Variants in GINM1 observed in about 807,000 individuals in gnomAD.
GINM1 encodes glycoprotein integral membrane protein 1.
In GINM1, 29 loss-of-function variants were observed where a neutral mutation model predicts 37.8. The ratio of observed to expected loss-of-function variants is 0.77; its 90% CI spans 0.57 to 1.05. The LOEUF is 1.05. Ranked by LOEUF, GINM1 falls within the 50% of genes least tolerant of loss-of-function variation. The probability of loss-of-function intolerance (pLI) is 0.00; values close to 1 mark genes in which losing one functional copy is unlikely to be tolerated. For missense variants in GINM1, 377 were observed against 397.9 expected, an observed-to-expected ratio of 0.95 and a Z score of 0.45; for synonymous variants, 143 against 146.2, an observed-to-expected ratio of 0.98 and a Z score of 0.16.
chr6:149,578,751 A>G (rs1777954075), intron 3 of GINM1, 71 bp from the exon 4 acceptor site: 1 of 1,078,774 alleles, frequency 9.3e-7, no homozygotes, highest in South Asian at 1.6e-5. Flanking sequence ...AATGTCATCA[A>G]AATAATCACA....
At chr6:149,575,904 T>C (rs1264825372) in intron 3 of GINM1, among the ~76,000 whole-genome samples, 2 of 152,204 alleles carry the variant, frequency 1.3e-5, no homozygotes, top group Non-Finnish European at 2.9e-5. Flanking sequence ...ATAACTGAAA[T>C]AAATGCTCAT....
At chr6:149,570,805 G>A (rs921593631) in intron 1 of GINM1, among the ~76,000 whole-genome samples, 5 of 152,148 alleles carry the variant, frequency 3.3e-5, no homozygotes, top group African/African-American at 1.2e-4. Context: ...GAATAACAAT[G>A]TCTATTTGTG....
Position 149,566,555 on chromosome 6 carries a change from C to T in GINM1, c.120+21C>T. Reference sequence around the variant, plus strand: ...CACAGGTAGGGCAGGGCGGGCCTGGCTGGCCGCTTTACGACTCCGACTCTC... The same window carrying T: ...CACAGGTAGGGCAGGGCGGGCCTGGTTGGCCGCTTTACGACTCCGACTCTC... On this transcript the variant is annotated intron_variant, in intron 1 of 7. Coordinates refer to ENST00000367419, the MANE Select transcript of GINM1 (RefSeq NM_138785.5). This position sits in a 1 kb window ranked among gnomAD's most constrained non-coding sequence, Gnocchi z 4.4. 1.4e-6 allele frequency: 2 copies of T among 1,479,380 alleles called. No individual in the cohort carries two copies. The highest frequency in any genetic ancestry group is 8.9e-7 in the Non-Finnish European group (1 of 1,118,392). 91.6% of individuals were successfully genotyped at this position (1,479,380 alleles called of 1,614,324 possible).
chr6:149,572,671 G>C (rs1487503574), intron 3 of GINM1, 68 bp downstream of exon 3: 15 of 1,027,812 alleles, frequency 1.5e-5, no homozygotes, highest in Non-Finnish European at 2.0e-5. Context: ...TGTTGTTGTT[G>C]TTTGTTTTTT....
rs556059812 is a variant in GINM1, at chr6:149,591,012, C to T, written c.*174C>T. The T allele has an allele frequency of 4.5e-5, 24 of 529,918 alleles. No homozygotes were observed. The South Asian group carries it at 5.8e-4, about 13-fold the overall frequency. 32.8% of individuals were successfully genotyped at this position (529,918 alleles called of 1,614,324 possible). A position where few individuals can be genotyped will look rare whatever the true frequency, so the allele number is the denominator to read the frequency against. On this transcript the variant is annotated 3_prime_UTR_variant, in exon 8 of 8. Transcript: ENST00000367419. ...GCCAAGTTAAAGTTTACCTTATTCT[C>T]GGCCGGGTGCAGTGGCTCATGCCTG... is the stretch of plus-strand genomic sequence containing the variant.
At chr6:149,571,475 G>A (rs953105359) in intron 1 of GINM1, among the ~76,000 whole-genome samples, 13 of 152,110 alleles carry the variant, frequency 8.5e-5, no homozygotes, top group African/African-American at 2.2e-4. Flanking sequence ...CTACAGTTAC[G>A]GAAGAATACA....
At chr6:149,578,774 T>G in intron 3 of GINM1, 48 bp from the exon 4 acceptor site, 1 of 1,285,276 alleles carries the variant, frequency 7.8e-7, no homozygotes, top group Non-Finnish European at 1.1e-6. Context: ...CACTCACAGA[T>G]TTGGTGGTAA....
intron 7 of GINM1, among the ~76,000 whole-genome samples, chr6:149,584,745 A>T (rs1272663205): frequency 3.3e-5 from 5 of 151,636 alleles, no homozygotes; most frequent in African/African-American, 1.2e-4. Flanking sequence ...TGCTCTTGGG[A>T]GCATTTCCTT....
intron 1 of GINM1, among the ~76,000 whole-genome samples, chr6:149,571,296 G>C (rs993728912): frequency 1.4e-5 from 2 of 143,702 alleles, no homozygotes; most frequent in African/African-American, 5.3e-5. Flanking sequence ...CTGGGCAACA[G>C]AGCGAGACTC....
At chr6:149,579,721 C>T in intron 4 of GINM1, 113 bp from the exon 5 acceptor site, 1 of 543,330 alleles carries the variant, frequency 1.8e-6, no homozygotes. Flanking sequence ...GAGTAATTGT[C>T]TGAATAGGAC....
At chr6:149,586,009 TCA>T (rs1191027968) in intron 7 of GINM1, among the ~76,000 whole-genome samples, 1 of 152,204 alleles carries the variant, frequency 6.6e-6, no homozygotes, top group African/African-American at 2.4e-5. Context: ...CATTTCTTGT[TCA>T]GTGTTAGTTT....
chr6:149,566,515 C>A lies in GINM1; in HGVS notation c.101C>A (p.Pro34Gln). ...WLTTGAPEPP[P>Q]LSGAPQDGIR... ...ACGACGGGCGCCCCCGAGCCGCCGCCGCTGTCCGGAGCCCCACAGGTAGGG... is the reference window on the plus strand; with the variant it reads ...ACGACGGGCGCCCCCGAGCCGCCGCAGCTGTCCGGAGCCCCACAGGTAGGG... Residue 34 changes from proline to glutamine, a missense_variant, in exon 1 of 8, where the codon CCG (proline) becomes CAG (glutamine). Transcript: ENST00000367419. This position sits in a 1 kb window ranked among gnomAD's most constrained non-coding sequence, Gnocchi z 4.4. 3.3e-6 allele frequency: 5 copies of A among 1,529,912 alleles called. No homozygotes were observed. The highest frequency in any genetic ancestry group is 4.4e-6 in the Non-Finnish European group (5 of 1,146,810). The allele number at this position is 1,529,912 out of a possible 1,614,324, so 94.8% of individuals were successfully genotyped here. A position where few individuals can be genotyped will look rare whatever the true frequency, so the allele number is the denominator to read the frequency against.
intron 3 of GINM1, among the ~76,000 whole-genome samples, chr6:149,573,484 ACT>A (rs1777861409): frequency 6.6e-6 from 1 of 151,964 alleles, no homozygotes; most frequent in South Asian, 2.1e-4. Flanking sequence ...TGTGTTTAAA[ACT>A]CTGTTCTTGT....
Position 149,572,078 on chromosome 6 carries a change from AAAAT to A in GINM1, c.121-184_121-181del, listed in dbSNP as rs35334853. On this transcript the variant is annotated intron_variant, in intron 1 of 7. Transcript: ENST00000367419. ...CCTGGCGACAAAGTGAGACTCTCAA[AAAAT>A]AAATAAATAAATAAATAAATAATTG... 1.3e-4 allele frequency among the ~76,000 whole-genome samples: 19 copies of A among 150,278 alleles called. 1 individual carries two copies. The East Asian group carries it at 1.6e-3, about 12-fold the overall frequency.
chr6:149,567,128 G>A (rs9498372), intron 1 of GINM1, among the ~76,000 whole-genome samples: 80,159 of 151,964 alleles, frequency 0.53, 23,996 homozygotes, highest in East Asian at 0.84. Context: ...ATCCCCTGGG[G>A]ACTCAGCCCG....
chr6:149,590,920 A>ACCTT lies in GINM1; in HGVS notation c.*82_*83insCCTT. On this transcript the variant is annotated 3_prime_UTR_variant, in exon 8 of 8. Coordinates refer to ENST00000367419, the MANE Select transcript of GINM1 (RefSeq NM_138785.5). ...TGAATATAATTTTCTTTAAATCGTT[A>ACCTT]AGAATCAGTTTATACACTAGAGAAA... 1 of 676,780 alleles carries ACCTT rather than the reference A, an allele frequency of 1.5e-6. No homozygotes were observed. The allele number at this position is 676,780 out of a possible 1,614,324, so 41.9% of individuals were successfully genotyped here.
intron 3 of GINM1, among the ~76,000 whole-genome samples, chr6:149,573,076 A>G (rs1777855594): frequency 6.6e-6 from 1 of 152,174 alleles, no homozygotes; most frequent in African/African-American, 2.4e-5. Context: ...TAATCCCAAC[A>G]CTTTGGGAGG....
chr6:149,582,496 C>T lies in GINM1; in HGVS notation c.774C>T (p.Asn258=), dbSNP rs749185734. Residue 258 remains asparagine, a synonymous_variant, in exon 7 of 8, where the codon AAC becomes AAT. Transcript: ENST00000367419. ...FRKDLCRFWS[N]VFPVFFQFLN... ...AAGATCTGTGTAGGTTCTGGAGCAA[C>T]GTTTTCCCAGTATTCTTTCAGTTTT... 5.3e-5 allele frequency: 86 copies of T among 1,612,236 alleles called. No individual in the cohort carries two copies. In the East Asian group the frequency reaches 7.2e-4, roughly 13 times the overall value.
intron 1 of GINM1, among the ~76,000 whole-genome samples, chr6:149,570,143 TATATATATA>T (rs1777790813): frequency 5.9e-4 from 5 of 8,416 alleles, no homozygotes; most frequent in African/African-American, 8.5e-4. Flanking sequence ...GTTTTATATA[TATATATATA>T]TATATATATA....
Sources: allele counts gnomAD v4.1 joint callset (sites outside exome capture counted in the v4.1 genomes callset), GRCh38; gene constraint gnomAD v4.1.1; non-coding constraint Gnocchi (gnomAD v3.1); transcripts MANE v1.5; gene names NCBI Gene and HGNC (gene_info 2026-07-23, HGNC 2026-07-21).